The following VPS13A variants were observed in gnomAD, a reference collection of about 807,000 sequenced individuals.
VPS13A encodes the protein intermembrane lipid transfer protein VPS13A.
A neutral mutation model predicts 390.9 loss-of-function variants in VPS13A; 264 were observed. That is an observed-to-expected ratio of 0.68 (90% CI 0.61 to 0.75). The LOEUF (loss-of-function observed/expected upper bound fraction) is 0.75. VPS13A is among the 30% of genes least tolerant of loss of function. The pLI is 0.00. For missense variants in VPS13A, 3,409 were observed against 3,733.9 expected, an observed-to-expected ratio of 0.91 and a Z score of 2.27; for synonymous variants, 1,231 against 1,227.1, an observed-to-expected ratio of 1.00 and a Z score of -0.07.
intron 50 of VPS13A, among the ~76,000 whole-genome samples, chr9:77,341,056 A>G (rs951166316): frequency 1.7e-4 from 26 of 152,296 alleles, no homozygotes; most frequent in Admixed American, 1.5e-3. Flanking sequence ...TTTTATTCTA[A>G]AAGTTAGGAT....
chr9:77,275,539 G>A lies in VPS13A; in HGVS notation c.2554G>A (p.Glu852Lys). Residue 852 changes from glutamate to lysine, a missense_variant, in exon 25 of 72, where the codon GAA (glutamate) becomes AAA (lysine). Glu to Lys is a moderately conservative substitution (Grantham distance 56). Coordinates refer to ENST00000360280, the MANE Select transcript of VPS13A (RefSeq NM_033305.3). ...TTTTGATGCACCATGTAGTCCCTTG[G>A]AAGAACCTCTTCAGTTTCCAACTGG... The part of the protein sequence containing the change: ...EFFDAPCSPL[E>K]EPLQFPTGVK... 1 of 1,613,780 alleles carries A rather than the reference G, an allele frequency of 6.2e-7. No homozygotes were observed. The highest frequency in any genetic ancestry group is 2.2e-5 in the East Asian group (1 of 44,802).
rs1827888244 is a variant in VPS13A, at chr9:77,294,870, T to A, written c.3508-672T>A. On this transcript the variant is annotated intron_variant, in intron 32 of 71. Transcript: ENST00000360280. The stretch of plus-strand genomic sequence containing the variant: ...AGGGACAACAGGCCCTGCTAATTTT[T>A]TATTTTTAATTTTTTTTTTAAGACA... 2.0e-5 allele frequency among the ~76,000 whole-genome samples: 3 copies of A among 152,070 alleles called. No homozygotes were observed. In the South Asian group the frequency reaches 6.2e-4, roughly 32 times the overall value.
At chr9:77,357,913 T>C (rs563175452) in intron 56 of VPS13A, 75 bp downstream of exon 56, 8 of 1,365,018 alleles carry the variant, frequency 5.9e-6, no homozygotes, top group African/African-American at 1.5e-5. Flanking sequence ...ATTCCCATGG[T>C]CTGCTTTATC....
chr9:77,360,716 A>G, intron 59 of VPS13A, 75 bp downstream of exon 59: 1 of 1,157,494 alleles, frequency 8.6e-7, no homozygotes, highest in Non-Finnish European at 1.3e-6. Flanking sequence ...AAAGGTATTA[A>G]AATGACTTTG....
chr9:77,376,510 T>C (rs1411852651), intron 67 of VPS13A, among the ~76,000 whole-genome samples: 1 of 152,140 alleles, frequency 6.6e-6, no homozygotes, highest in East Asian at 1.9e-4. Flanking sequence ...TTAAAGATAG[T>C]GGCAATAGCA....
At chr9:77,386,257 A>G (rs572498750) in intron 68 of VPS13A, among the ~76,000 whole-genome samples, 2 of 152,336 alleles carry the variant, frequency 1.3e-5, no homozygotes, top group South Asian at 4.1e-4. Context: ...TAAAATCTAG[A>G]AAGAATACTG....
chr9:77,196,019 A>G (rs982519440), intron 1 of VPS13A, among the ~76,000 whole-genome samples: 1 of 151,538 alleles, frequency 6.6e-6, no homozygotes, highest in Non-Finnish European at 1.5e-5. Context: ...TCATCTCGAT[A>G]TTTTCTAATT....
intron 46 of VPS13A, among the ~76,000 whole-genome samples, chr9:77,333,001 T>G (rs1235405058): frequency 6.6e-6 from 1 of 152,184 alleles, no homozygotes; most frequent in Non-Finnish European, 1.5e-5. Context: ...GTTTTATTGC[T>G]TAGTTCAGAC....
chr9:77,356,841 G>A lies in VPS13A; in HGVS notation c.7780G>A (p.Val2594Ile). ...TGAATCTTCTCCTTCAGAAGATAAG[G>A]TTATTCAGTTGGACACTAATGTTCC... ...YTESSPSEDK[V>I]IQLDTNVPVR... is the part of the protein sequence containing the mutation. The change falls in exon 55 of 72, where the codon GTT becomes ATT. Residue 2594 changes from valine to isoleucine, a missense_variant. Physicochemically the swap from Val to Ile is conservative, Grantham distance 29. Transcript: ENST00000360280. 6.2e-7 allele frequency: 1 copy of A among 1,613,834 alleles called. No individual in the cohort carries two copies.
At chr9:77,406,145 A>G (rs1326884458) in intron 70 of VPS13A, among the ~76,000 whole-genome samples, 158 bp downstream of exon 70, 6 of 57,742 alleles carry the variant, frequency 1.0e-4, no homozygotes, top group African/African-American at 2.1e-4. Flanking sequence ...GCTTAAAGGA[A>G]AAAAAAAAAA....
chr9:77,312,454 T>C (rs932053259), intron 35 of VPS13A, among the ~76,000 whole-genome samples: 2 of 150,780 alleles, frequency 1.3e-5, no homozygotes, highest in Admixed American at 1.3e-4. Context: ...TGAGATGGAG[T>C]CTCGCTTTGT....
At chr9:77,314,873 G>A (rs1829297538) in intron 37 of VPS13A, among the ~76,000 whole-genome samples, 1 of 152,070 alleles carries the variant, frequency 6.6e-6, no homozygotes, top group Non-Finnish European at 1.5e-5. Context: ...TAGATTGGTT[G>A]AGTAACTAGA....
intron 23 of VPS13A, among the ~76,000 whole-genome samples, chr9:77,260,878 G>T (rs1265393698): frequency 4.6e-5 from 7 of 151,870 alleles, no homozygotes. Flanking sequence ...TGTAGTATGT[G>T]TGTGTATACA....
At chr9:77,300,741 C>A (rs1394752317) in intron 33 of VPS13A, among the ~76,000 whole-genome samples, 3 of 152,110 alleles carry the variant, frequency 2.0e-5, no homozygotes, top group Admixed American at 6.5e-5. Flanking sequence ...AAAAAACAAA[C>A]CAAACCCCAG....
intron 26 of VPS13A, among the ~76,000 whole-genome samples, chr9:77,279,137 C>T (rs1023598522): frequency 3.9e-5 from 6 of 152,232 alleles, no homozygotes; most frequent in African/African-American, 1.4e-4. Flanking sequence ...GCCATTGTGA[C>T]TGCCTGAGTT....
At chr9:77,413,883 A>T (rs146573576) in intron 71 of VPS13A, among the ~76,000 whole-genome samples, 2 of 152,182 alleles carry the variant, frequency 1.3e-5, no homozygotes, top group African/African-American at 2.4e-5. Context: ...CAATGAACTC[A>T]AACAAATCTA....
At position 77,371,134 on chromosome 9, in the gene VPS13A, T is replaced by A. The variant is rs753257809; in HGVS notation, c.9062T>A (p.Phe3021Tyr). ...GGIIDMASST[F>Y]QGIKRATETS... ...ATCATAGACATGGCTAGCAGTACAT[T>A]TCAGGGAATAAAAAGGTAAATCCTC... Residue 3021 changes from phenylalanine to tyrosine, a missense_variant, in exon 67 of 72, where the codon TTT (phenylalanine) becomes TAT (tyrosine). This residue lies in a region of VPS13A where 318 missense variants were observed against 333.7 expected (regional missense o/e 0.95). Transcript: ENST00000360280. 6.2e-7 allele frequency: 1 copy of A among 1,614,046 alleles called. No homozygotes were observed. Among genetic ancestry groups the A allele is most frequent in the South Asian group, 1.1e-5 (1 of 91,074 alleles).
Position 77,307,939 on chromosome 9 carries a change from T to A in VPS13A, c.3961-6T>A, listed in dbSNP as rs1828859750. 6.3e-7 allele frequency: 1 copy of A among 1,577,660 alleles called. No individual in the cohort carries two copies. The highest frequency in any genetic ancestry group is 8.7e-7 in the Non-Finnish European group (1 of 1,148,056). ...CTAAAAAGAACAAATCTTTTTTTTT[T>A]AACAGTTCATTCTTAGTCAAGAAGA... On this transcript the variant is annotated splice_region_variant and splice_polypyrimidine_tract_variant and intron_variant, in intron 34 of 71. Coordinates refer to ENST00000360280, the MANE Select transcript of VPS13A (RefSeq NM_033305.3).
chr9:77,350,078 A>G lies in VPS13A; in HGVS notation c.7290-1239A>G, dbSNP rs193288179. 2.0e-5 allele frequency among the ~76,000 whole-genome samples: 3 copies of G among 152,268 alleles called. No individual in the cohort carries two copies. In the East Asian group the frequency reaches 5.8e-4, roughly 29 times the overall value. ...GGAAAATACATATTCTGTTTCGGTT[A>G]TGGATAATTCCTTTTTTGTTATTGA... On this transcript the variant is annotated intron_variant, in intron 52 of 71. Transcript: ENST00000360280.
Sources: gnomAD v4.1 joint callset for allele counts (sites outside exome capture counted in the v4.1 genomes callset) on GRCh38, gnomAD v4.1.1 for gene constraint, gnomAD v4.1.1 regional missense constraint, MANE v1.5 for transcripts, NCBI Gene and HGNC (gene_info 2026-07-23, HGNC 2026-07-21) for gene names.